Variants in SLC37A1 observed in about 807,000 individuals in gnomAD.
The protein encoded by SLC37A1 is solute carrier family 37 member 1, also known as glucose-6-phosphate exchanger SLC37A1.
Under a neutral mutation model 75.3 loss-of-function variants are expected in SLC37A1, and 49 were observed. The observed-to-expected ratio is 0.65, with a 90% CI of 0.52 to 0.83. The LOEUF (loss-of-function observed/expected upper bound fraction) is 0.83. Among genes scored for constraint, SLC37A1 ranks in the 40% least tolerant of loss-of-function variants. The probability of loss-of-function intolerance (pLI) is 0.00; values close to 1 mark genes in which losing one functional copy is unlikely to be tolerated. For missense variants in SLC37A1, 566 were observed against 695.0 expected, an observed-to-expected ratio of 0.81 and a Z score of 2.09; for synonymous variants, 268 against 292.1, an observed-to-expected ratio of 0.92 and a Z score of 0.84.
At position 42,532,153 on chromosome 21, in the gene SLC37A1, G is replaced by A. The variant is rs115169888; in HGVS notation, c.139-2545G>A. On this transcript the variant is annotated intron_variant, in intron 3 of 19. Coordinates refer to ENST00000352133, the MANE Select transcript of SLC37A1 (RefSeq NM_001320537.2). ...TCCCAGCTTAGGCCTGTCTGCTGCC[G>A]AAGCCTATATCCCTAACCAGGATGT... Among the ~76,000 whole-genome samples the A allele has an allele frequency of 3.2e-3, 490 of 152,206 alleles. 3 individuals carry two copies. Among genetic ancestry groups the A allele is most frequent in the African/African-American group, 0.011 (457 of 41,536 alleles).
chr21:42,554,313 T>C (rs1430849871), intron 10 of SLC37A1, among the ~76,000 whole-genome samples, 171 bp downstream of exon 10: 1 of 152,266 alleles, frequency 6.6e-6, no homozygotes, highest in East Asian at 1.9e-4. Flanking sequence ...TTTGCCCTTA[T>C]TGGCTTTCTT....
intron 9 of SLC37A1, 57 bp from the exon 10 acceptor site, chr21:42,554,005 G>A: frequency 1.8e-5 from 26 of 1,450,108 alleles, no homozygotes; most frequent in Non-Finnish European, 2.4e-5. Context: ...GTAAAGCCAG[G>A]TTTAATTTCT....
At chr21:42,501,380 T>C (rs768875724) in intron 1 of SLC37A1, among the ~76,000 whole-genome samples, 16 of 152,102 alleles carry the variant, frequency 1.1e-4, no homozygotes, top group Non-Finnish European at 2.1e-4. Flanking sequence ...TACAGACCCA[T>C]TGGGGGGCAA....
At chr21:42,580,234 G>T in intron 19 of SLC37A1, 111 bp from the exon 20 acceptor site, 1 of 1,255,822 alleles carries the variant, frequency 8.0e-7, no homozygotes, top group South Asian at 1.3e-5. Context: ...CTGCTGGGCC[G>T]GGAGGGCAGC....
At chr21:42,544,411 G>C in intron 8 of SLC37A1, among the ~76,000 whole-genome samples, 1 of 152,198 alleles carries the variant, frequency 6.6e-6, no homozygotes, top group East Asian at 1.9e-4. Flanking sequence ...ATTCCATTTA[G>C]TCGCTCACTT....
intron 2 of SLC37A1, among the ~76,000 whole-genome samples, chr21:42,505,619 A>G (rs1335995144): frequency 6.6e-6 from 1 of 152,176 alleles, no homozygotes; most frequent in African/African-American, 2.4e-5. Context: ...TTCAGCCCCC[A>G]GCAGGTAGGG....
intron 17 of SLC37A1, among the ~76,000 whole-genome samples, chr21:42,572,056 G>A (rs2147048868): frequency 6.6e-6 from 1 of 152,316 alleles, no homozygotes; most frequent in East Asian, 1.9e-4. Flanking sequence ...CCTGAGTTAG[G>A]GGAGGTGGGT....
At chr21:42,500,400 C>T (rs2054331043) in intron 1 of SLC37A1, among the ~76,000 whole-genome samples, 1 of 152,194 alleles carries the variant, frequency 6.6e-6, no homozygotes, top group South Asian at 2.1e-4. Flanking sequence ...GCTCCGTATA[C>T]TTCTTTCTGA....
intron 3 of SLC37A1, among the ~76,000 whole-genome samples, chr21:42,527,825 C>T (rs1002929213): frequency 1.3e-5 from 2 of 152,214 alleles, no homozygotes; most frequent in African/African-American, 4.8e-5. Flanking sequence ...ATTGGCTTGA[C>T]GCTGAATCCT....
At chr21:42,563,281 G>C (rs927952931) in intron 12 of SLC37A1, among the ~76,000 whole-genome samples, 10 of 152,184 alleles carry the variant, frequency 6.6e-5, no homozygotes, top group Non-Finnish European at 2.9e-5. Context: ...TTTGAAAAAA[G>C]CAAAATTTTC....
At chr21:42,522,444 G>A (rs1019620129) in intron 2 of SLC37A1, among the ~76,000 whole-genome samples, 19 of 152,146 alleles carry the variant, frequency 1.2e-4, no homozygotes, top group Non-Finnish European at 1.9e-4. Context: ...CAGGCGTATC[G>A]GGGTGACAAC....
At chr21:42,562,676 GCC>G (rs11323705) in intron 12 of SLC37A1, among the ~76,000 whole-genome samples, 40 of 152,072 alleles carry the variant, frequency 2.6e-4, no homozygotes, top group Non-Finnish European at 5.0e-4. Flanking sequence ...ATAGTAACAT[GCC>G]CCCCCCATGT....
At chr21:42,523,956 C>T (rs558527035) in intron 2 of SLC37A1, among the ~76,000 whole-genome samples, 2 of 151,796 alleles carry the variant, frequency 1.3e-5, no homozygotes, top group South Asian at 4.2e-4. Flanking sequence ...AGCTGGTGAC[C>T]AGAGAAGAAG....
rs1402037968 is a variant in SLC37A1 at position 42,581,305 on chromosome 21, G to A, written c.*945G>A. On this transcript the variant is annotated 3_prime_UTR_variant, in exon 20 of 20. Coordinates refer to ENST00000352133, the MANE Select transcript of SLC37A1 (RefSeq NM_001320537.2). The stretch of plus-strand genomic sequence containing the variant: ...GTATTGTGTCATATGAAGTTTAAGA[G>A]ACATAAATGGCATTTTGTTATTTAT... The A allele has an allele frequency of 6.6e-6, 1 of 152,618 alleles. No individual in the cohort carries two copies. The highest frequency in any genetic ancestry group is 2.4e-5 in the African/African-American group (1 of 41,456). 9.5% of individuals were successfully genotyped at this position (152,618 alleles called of 1,614,324 possible).
At chr21:42,573,496 G>A (rs942092392) in intron 17 of SLC37A1, among the ~76,000 whole-genome samples, 2 of 152,052 alleles carry the variant, frequency 1.3e-5, no homozygotes, top group African/African-American at 2.4e-5. Flanking sequence ...CGTGCCCTTC[G>A]GTGGGAGGAT....
chr21:42,518,622 C>G (rs2054570425), intron 2 of SLC37A1, 112 bp downstream of exon 2: 2 of 1,194,562 alleles, frequency 1.7e-6, no homozygotes. Flanking sequence ...ACTTGAATCA[C>G]TGACCTCACC....
Position 42,534,774 on chromosome 21 carries a change from C to T in SLC37A1, c.215C>T (p.Ser72Phe), listed in dbSNP as rs941104805. The change falls in exon 4 of 20, where the codon TCC (serine) becomes TTC (phenylalanine). Residue 72 changes from serine to phenylalanine, a missense_variant. Ser to Phe is a radical substitution (Grantham distance 155). Transcript: ENST00000352133. ...RFSSQNRKSGSAAPHQLPDNE... is the reference protein window; with the variant it reads ...RFSSQNRKSGFAAPHQLPDNE... Reference sequence around the variant, plus strand: ...AGCAGCCAGAACAGGAAGTCTGGGTCCGCTGCCCCCCACCAGCTCCCTGAC... The same window carrying T: ...AGCAGCCAGAACAGGAAGTCTGGGTTCGCTGCCCCCCACCAGCTCCCTGAC... 7.4e-6 allele frequency: 12 copies of T among 1,614,018 alleles called. No homozygotes were observed. Among genetic ancestry groups the T allele is most frequent in the Non-Finnish European group, 1.0e-5 (12 of 1,179,976 alleles).
At chr21:42,553,975 T>C in intron 9 of SLC37A1, 87 bp from the exon 10 acceptor site, 2 of 1,103,802 alleles carry the variant, frequency 1.8e-6, no homozygotes, top group Non-Finnish European at 1.3e-6. Context: ...TTTGGGACGA[T>C]AGTAAGTATC....
intron 15 of SLC37A1, 73 bp downstream of exon 15, chr21:42,565,948 C>T (rs1251521438): frequency 4.8e-6 from 7 of 1,463,874 alleles, no homozygotes; most frequent in Non-Finnish European, 5.7e-6. Context: ...AGATGAAATA[C>T]TAAAATCAAC....
Sources: gnomAD v4.1 joint callset for allele counts (sites outside exome capture counted in the v4.1 genomes callset) on GRCh38, gnomAD v4.1.1 for gene constraint, MANE v1.5 for transcripts, NCBI Gene and HGNC (gene_info 2026-07-23, HGNC 2026-07-21) for gene names.